The following DMD variants were observed in gnomAD, a reference collection of about 807,000 sequenced individuals.
DMD encodes mutant dystrophin.
A neutral mutation model predicts 330.1 loss-of-function variants in DMD; 63 were observed. The ratio of observed to expected loss-of-function variants is 0.19; its 90% CI spans 0.16 to 0.24. The LOEUF is 0.24. Ranked by LOEUF, DMD falls within the 10% of genes least tolerant of loss-of-function variation. The probability of loss-of-function intolerance (pLI) is 1.00; values close to 1 mark genes in which losing one functional copy is unlikely to be tolerated. For synonymous variants in DMD, 1,223 were observed against 959.8 expected, an observed-to-expected ratio of 1.27 and a Z score of -5.07; for missense variants, 3,344 against 2,684.1, an observed-to-expected ratio of 1.25 and a Z score of -5.43.
At chrX:32,721,317 C>G (rs376131259) in intron 7 of DMD, among the ~76,000 whole-genome samples, 2 of 110,140 alleles carry the variant, frequency 1.8e-5, no homozygotes, top group African/African-American at 3.3e-5. Flanking sequence ...TAATTTACAC[C>G]GACACCAGCA....
rs139755724 is a variant in DMD at position 31,601,233 on chromosome X, T to C, written c.8217+26440A>G. On this transcript the variant is annotated intron_variant, in intron 55 of 78. Coordinates refer to ENST00000357033, the MANE Select transcript of DMD (RefSeq NM_004006.3). ...CACAGGTGTCTCAACACAAAACCAG[T>C]TGACATGGTCTAACTTGATATAGGA... Among the ~76,000 whole-genome samples the C allele has an allele frequency of 7.3e-3, 827 of 112,551 alleles. 1 individual carries two copies. Among genetic ancestry groups the C allele is most frequent in the Non-Finnish European group, 0.011 (571 of 53,331 alleles).
intron 12 of DMD, among the ~76,000 whole-genome samples, chrX:32,605,367 A>G (rs1384141820): frequency 9.0e-6 from 1 of 110,728 alleles, no homozygotes; most frequent in Non-Finnish European, 1.9e-5. Flanking sequence ...AGAAGAATGA[A>G]ACTGGGTCAT....
intron 7 of DMD, among the ~76,000 whole-genome samples, chrX:32,709,244 G>C (rs2064963916): frequency 2.7e-5 from 3 of 111,317 alleles, no homozygotes; most frequent in Admixed American, 1.9e-4. Flanking sequence ...CAGAAGTGAA[G>C]ATAATCAAAT....
At chrX:31,453,765 CAAAAAAAAAA>C (rs760511403) in intron 59 of DMD, among the ~76,000 whole-genome samples, 13 of 8,980 alleles carry the variant, frequency 1.4e-3, no homozygotes, top group African/African-American at 5.0e-3. Flanking sequence ...AAAAAACAAG[CAAAAAAAAAA>C]AAAAAAAAAA....
chrX:31,897,542 G>C lies in DMD; in HGVS notation c.6913-22169C>G, dbSNP rs1181194346. On this transcript the variant is annotated intron_variant, in intron 47 of 78. Coordinates refer to ENST00000357033, the MANE Select transcript of DMD (RefSeq NM_004006.3). ...GAACTAGTTTACAGTCCCACCAACA[G>C]TGTAAAAGTGTTCCTATTTCTCCAC... is the stretch of plus-strand genomic sequence containing the variant. Among the ~76,000 whole-genome samples, 3 of 93,724 alleles carry C rather than the reference G, an allele frequency of 3.2e-5. No homozygotes were observed. In the Admixed American group the frequency reaches 3.7e-4, roughly 12 times the overall value. The allele number at this position is 93,724 out of a possible 115,157, so 81.4% of individuals were successfully genotyped here.
At chrX:33,108,881 A>AAAAAAAAAAAAAAAAAAAG (rs1201118214) in intron 1 of DMD, among the ~76,000 whole-genome samples, 5 of 99,653 alleles carry the variant, frequency 5.0e-5, no homozygotes, top group Non-Finnish European at 1.0e-4. Context: ...AAAAAAAAAA[A>AAAAAAAAAAAAAAAAAAAG]AAGAAGAAGA....
chrX:31,607,081 C>T (rs975828557), intron 55 of DMD, among the ~76,000 whole-genome samples: 1 of 111,667 alleles, frequency 9.0e-6, no homozygotes, highest in East Asian at 2.8e-4. Flanking sequence ...ACTCTTTACT[C>T]CTCCTCTATA....
At chrX:32,021,147 A>G (rs141838812) in intron 44 of DMD, among the ~76,000 whole-genome samples, 442 of 112,610 alleles carry the variant, frequency 3.9e-3, no homozygotes, top group Non-Finnish European at 7.1e-3. Context: ...GAACAAAAAC[A>G]TAAAAACAAC....
chrX:32,423,148 T>C (rs1362662771), intron 29 of DMD, among the ~76,000 whole-genome samples: 1 of 110,915 alleles, frequency 9.0e-6, no homozygotes, highest in Non-Finnish European at 1.9e-5. Flanking sequence ...ATTTAGCTTT[T>C]ACAACTGATT....
intron 44 of DMD, among the ~76,000 whole-genome samples, chrX:32,031,915 A>G (rs757833862): frequency 4.5e-5 from 5 of 112,100 alleles, no homozygotes; most frequent in African/African-American, 1.6e-4. Context: ...TACACCTAAT[A>G]CTTCGAGTTC....
chrX:32,783,259 T>C (rs2075025070), intron 7 of DMD, among the ~76,000 whole-genome samples: 1 of 100,716 alleles, frequency 9.9e-6, no homozygotes, highest in Non-Finnish European at 2.0e-5. Context: ...TATACGTATA[T>C]ACACATATAT....
chrX:31,427,985 G>C (rs1418372493), intron 60 of DMD, among the ~76,000 whole-genome samples: 1 of 112,131 alleles, frequency 8.9e-6, no homozygotes, highest in African/African-American at 3.2e-5. Flanking sequence ...GAATACTGTG[G>C]TGTCTGCTAC....
intron 52 of DMD, among the ~76,000 whole-genome samples, chrX:31,694,173 T>C (rs1261647387): frequency 9.0e-6 from 1 of 111,140 alleles, no homozygotes; most frequent in Admixed American, 9.6e-5. Flanking sequence ...GTCTCTTCAA[T>C]AAATGGTATT....
At chrX:31,519,065 T>C (rs2147321387) in intron 55 of DMD, among the ~76,000 whole-genome samples, 1 of 112,186 alleles carries the variant, frequency 8.9e-6, no homozygotes, top group South Asian at 3.7e-4. Flanking sequence ...GGTATTGCTT[T>C]TAAAAATTTA....
intron 2 of DMD, among the ~76,000 whole-genome samples, chrX:32,872,028 A>G (rs1322247360): frequency 9.0e-6 from 1 of 111,095 alleles, no homozygotes; most frequent in Non-Finnish European, 1.9e-5. Context: ...GAGAGAGGAC[A>G]TGATATCCAA....
At chrX:32,394,916 C>CAAAACAAAAAAAAAAAA (rs2098030291) in intron 30 of DMD, among the ~76,000 whole-genome samples, 5 of 39,024 alleles carry the variant, frequency 1.3e-4, no homozygotes, top group East Asian at 1.6e-3. Flanking sequence ...AACAAAAAAA[C>CAAAACAAAAAAAAAAAA]AAAAAAAAAA....
In DMD at chrX:31,773,974, T is replaced by C. The variant is rs757873067; in HGVS notation, c.7528A>G (p.Ile2510Val). 9.9e-6 allele frequency: 12 copies of C among 1,207,715 alleles called. No homozygotes were observed. In the East Asian group the frequency reaches 3.6e-4, roughly 36 times the overall value. ...VGDLEDINEM[I>V]IKQKATMQDL... is the part of the protein sequence containing the mutation. ...TTTTCTCATACCTTCTGCTTGATGA[T>C]CATCTCGTTGATATCCTCAAGGTCA... The change falls in exon 51 of 79, where the codon ATC becomes GTC. Residue 2510 changes from isoleucine to valine, a missense_variant. Physicochemically the swap from Ile to Val is conservative, Grantham distance 29 (BLOSUM62 3). Transcript: ENST00000357033.
chrX:32,946,016 T>G (rs2090781432), intron 2 of DMD, among the ~76,000 whole-genome samples: 1 of 111,569 alleles, frequency 9.0e-6, no homozygotes, highest in Non-Finnish European at 1.9e-5. Context: ...CTTTAGAACA[T>G]GAACATAGAG....
intron 55 of DMD, among the ~76,000 whole-genome samples, chrX:31,563,379 G>A (rs1182705329): frequency 8.9e-6 from 1 of 112,100 alleles, no homozygotes; most frequent in Admixed American, 9.4e-5. Context: ...AATCTGATCT[G>A]CTTCTGGACT....
Sources: allele counts gnomAD v4.1 joint callset (sites outside exome capture counted in the v4.1 genomes callset), GRCh38; gene constraint gnomAD v4.1.1; transcripts MANE v1.5; gene names NCBI Gene and HGNC (gene_info 2026-07-23, HGNC 2026-07-21).